Variants in SLC18A3 observed in about 807,000 individuals in gnomAD.
The protein encoded by SLC18A3 is solute carrier family 18 member A3.
SLC18A3 carries 18 observed loss-of-function variants against 24.2 expected under a neutral mutation model. The ratio of observed to expected loss-of-function variants is 0.74; its 90% confidence interval spans 0.51 to 1.10. SLC18A3 has a LOEUF of 1.10. Ranked by LOEUF, SLC18A3 falls within the 50% of genes least tolerant of loss-of-function variation. The pLI is 0.00. For missense variants in SLC18A3, 744 were observed against 750.7 expected, an observed-to-expected ratio of 0.99 and a Z score of 0.10; for synonymous variants, 415 against 355.4, an observed-to-expected ratio of 1.17 and a Z score of -1.89.
Position 49,612,208 on chromosome 10 carries a change from C to T in SLC18A3, c.1468C>T (p.Pro490Ser), listed in dbSNP as rs1441883375. 2 of 1,609,096 alleles carry T rather than the reference C, an allele frequency of 1.2e-6. No homozygotes were observed. Among genetic ancestry groups the T allele is most frequent in the East Asian group, 2.2e-5 (1 of 44,876 alleles). Residue 490 changes from proline (P) to serine (S), a missense_variant, in exon 1 of 1, where the codon CCG (proline) becomes TCG (serine). Physicochemically the swap from Pro to Ser is moderately conservative, Grantham distance 74. Around this residue, in one of 3 missense-constraint regions of SLC18A3, gnomAD observed 160 missense variants for 140.9 expected, o/e 1.14. Coordinates refer to ENST00000374115, the MANE Select transcript of SLC18A3 (RefSeq NM_003055.3). ...GCGCGATGTGCTGCTTGATGAGCCA[C>T]CGCAAGGTCTGTACGATGCGGTGCG... ...SERDVLLDEP[P>S]QGLYDAVRLR...
rs1338961287 is a variant in SLC18A3 at position 49,611,903 on chromosome 10, G to A, written c.1163G>A (p.Cys388Tyr). 6.2e-6 allele frequency: 10 copies of A among 1,611,604 alleles called. No homozygotes were observed. Among genetic ancestry groups the A allele is most frequent in the Non-Finnish European group, 7.6e-6 (9 of 1,179,896 alleles). Residue 388 changes from cysteine (C) to tyrosine (Y), a missense_variant, in exon 1 of 1, where the codon TGC becomes TAC. By Grantham distance (194) the Cys-to-Tyr change is radical. Around this residue, in one of 3 missense-constraint regions of SLC18A3, gnomAD observed 566 missense variants for 566.2 expected, o/e 1.00. Transcript: ENST00000374115. ...TTCGCGCCGCTAGTGGTCTCACTAT[G>A]CGGCCTCTGTTTTGGCATAGCCCTA... ...RSFAPLVVSL[C>Y]GLCFGIALVD...
Position 49,612,084 on chromosome 10 carries a change from T to A in SLC18A3, c.1344T>A (p.Phe448Leu), listed in dbSNP as rs1590545734. 4 of 1,613,598 alleles carry A rather than the reference T, an allele frequency of 2.5e-6. No individual in the cohort carries two copies. Among genetic ancestry groups the A allele is most frequent in the Non-Finnish European group, 3.4e-6 (4 of 1,179,910 alleles). ...GCCACATTGTGCACTCGCTGGGCTT[T>A]GAGCAGCTCAGCCTTGGCATGGGAC... is the stretch of plus-strand genomic sequence containing the variant. ...VAGHIVHSLGFEQLSLGMGLA... is the reference protein window; with the variant it reads ...VAGHIVHSLGLEQLSLGMGLA... The change falls in exon 1 of 1, where the codon TTT becomes TTA. Residue 448 changes from phenylalanine (F) to leucine (L), a missense_variant. Around this residue, in one of 3 missense-constraint regions of SLC18A3, gnomAD observed 160 missense variants for 140.9 expected, o/e 1.14. Coordinates refer to ENST00000374115, the MANE Select transcript of SLC18A3 (RefSeq NM_003055.3).
In SLC18A3 at chr10:49,611,021, C is replaced by A. The variant is rs763994314; in HGVS notation, c.281C>A (p.Thr94Lys). The change falls in exon 1 of 1, where the codon ACG becomes AAG. Residue 94 changes from threonine (T) to lysine (K), a missense_variant. Transcript: ENST00000374115. ...LPTPANASAY[T>K]ANTSASPTAA... ...ACTCCGGCCAATGCCAGCGCCTACA[C>A]GGCCAACACCTCGGCGTCCCCGACA... The A allele has an allele frequency of 9.3e-6, 15 of 1,613,868 alleles. No homozygotes were observed. The highest frequency in any genetic ancestry group is 1.1e-5 in the Non-Finnish European group (13 of 1,179,896).
Position 49,611,957 on chromosome 10 carries a change from C to T in SLC18A3, c.1217C>T (p.Ala406Val), listed in dbSNP as rs773286296. 6.2e-7 allele frequency: 1 copy of T among 1,612,950 alleles called. No individual in the cohort carries two copies. Among genetic ancestry groups the T allele is most frequent in the South Asian group, 1.1e-5 (1 of 91,072 alleles). ...LVDTALLPTLAFLVDVRHVSV... is the reference protein window; with the variant it reads ...LVDTALLPTLVFLVDVRHVSV... ...GACACAGCACTGCTGCCCACGCTCG[C>T]CTTCCTGGTGGACGTGCGCCATGTC... Residue 406 changes from alanine (A) to valine (V), a missense_variant, in exon 1 of 1, where the codon GCC becomes GTC. Ala to Val is a moderately conservative substitution (Grantham distance 64, BLOSUM62 0). This residue lies in a region of SLC18A3 where 18 missense variants were observed against 43.6 expected (regional missense o/e 0.41). Transcript: ENST00000374115.
Position 49,612,421 on chromosome 10 carries a change from A to G in SLC18A3, c.*82A>G, listed in dbSNP as rs555261553. On this transcript the variant is annotated 3_prime_UTR_variant, in exon 1 of 1. Transcript: ENST00000374115. ...CAAGCCCACTGGCCAGCTCTGGCTCAGGGCCCACCTCCTCCAGCGAGTACC... is the reference window on the plus strand; with the variant it reads ...CAAGCCCACTGGCCAGCTCTGGCTCGGGGCCCACCTCCTCCAGCGAGTACC... 49 of 1,373,380 alleles carry G rather than the reference A, an allele frequency of 3.6e-5. No individual in the cohort carries two copies. In the African/African-American group the frequency reaches 5.9e-4, roughly 17 times the overall value. 85.1% of individuals were successfully genotyped at this position (1,373,380 alleles called of 1,614,324 possible).
chr10:49,612,668 C>G lies in SLC18A3; in HGVS notation c.*329C>G. ...CATTGCTCCCAGTGCCAAACTTGGG[C>G]CGCTGCACCGCGGCGCCTCCGCCCA... On this transcript the variant is annotated 3_prime_UTR_variant, in exon 1 of 1. Transcript: ENST00000374115. 1 of 319,884 alleles carries G rather than the reference C, an allele frequency of 3.1e-6. No individual in the cohort carries two copies. Among genetic ancestry groups the G allele is most frequent in the Non-Finnish European group, 6.0e-6 (1 of 166,494 alleles). 19.8% of individuals were successfully genotyped at this position (319,884 alleles called of 1,614,324 possible).
rs979725532 is a variant in SLC18A3 at position 49,610,334 on chromosome 10, GC to G, written c.-406del. ...CAAGAGCCGACGCGAGGGGAGGGGA[GC>G]GCAGCGGCGGGGCTAACGGGCGGGC... On this transcript the variant is annotated 5_prime_UTR_variant, in exon 1 of 1. Transcript: ENST00000374115. 1.6e-5 allele frequency: 3 copies of G among 184,282 alleles called. No homozygotes were observed. The highest frequency in any genetic ancestry group is 7.1e-5 in the African/African-American group (3 of 42,402). The allele number at this position is 184,282 out of a possible 1,614,324, so 11.4% of individuals were successfully genotyped here. A position where few individuals can be genotyped will look rare whatever the true frequency, so the allele number is the denominator to read the frequency against.
Position 49,611,574 on chromosome 10 carries a change from G to A in SLC18A3, c.834G>A (p.Val278=), listed in dbSNP as rs1838298140. 6.2e-7 allele frequency: 1 copy of A among 1,607,824 alleles called. No individual in the cohort carries two copies. The highest frequency in any genetic ancestry group is 1.1e-5 in the South Asian group (1 of 91,082). Residue 278 remains valine, a synonymous_variant, in exon 1 of 1, where the codon GTG becomes GTA. Transcript: ENST00000374115. ...CACGGGCTCGGGCCAACCTGCCAGT[G>A]GGCACTCCCATCCACCGCCTCATGC... ...AAARARANLP[V]GTPIHRLMLD... is the part of the protein sequence containing the mutation.
Position 49,610,731 on chromosome 10 carries a change from G to C in SLC18A3, c.-10G>C. 1.3e-6 allele frequency: 2 copies of C among 1,504,370 alleles called. 1 individual carries two copies. Among genetic ancestry groups the C allele is most frequent in the Non-Finnish European group, 1.8e-6 (2 of 1,129,714 alleles). The allele number at this position is 1,504,370 out of a possible 1,614,324, so 93.2% of individuals were successfully genotyped here. ...CGGAGGCGTCCTCGGAAGAGCATCGGGGTGGGGGCATGGAATCCGCGGAAC... is the reference window on the plus strand; with the variant it reads ...CGGAGGCGTCCTCGGAAGAGCATCGCGGTGGGGGCATGGAATCCGCGGAAC... On this transcript the variant is annotated 5_prime_UTR_variant, in exon 1 of 1. Coordinates refer to ENST00000374115, the MANE Select transcript of SLC18A3 (RefSeq NM_003055.3).
rs2132688726 is a variant in SLC18A3 at position 49,612,079 on chromosome 10, G to A, written c.1339G>A (p.Gly447Ser). The change falls in exon 1 of 1, where the codon GGC becomes AGC. Residue 447 changes from glycine (G) to serine (S), a missense_variant. Coordinates refer to ENST00000374115, the MANE Select transcript of SLC18A3 (RefSeq NM_003055.3). Reference protein sequence around the residue: ...IVAGHIVHSLGFEQLSLGMGL... With the variant: ...IVAGHIVHSLSFEQLSLGMGL... Reference sequence around the variant, plus strand: ...GGCAGGCCACATTGTGCACTCGCTGGGCTTTGAGCAGCTCAGCCTTGGCAT... The same window carrying A: ...GGCAGGCCACATTGTGCACTCGCTGAGCTTTGAGCAGCTCAGCCTTGGCAT... 6.2e-7 allele frequency: 1 copy of A among 1,613,568 alleles called. No homozygotes were observed. The highest frequency in any genetic ancestry group is 1.1e-5 in the South Asian group (1 of 91,076).
At position 49,610,681 on chromosome 10, in the gene SLC18A3, GC is replaced by G; in HGVS notation, c.-59del. ...AGTCCCGTGCCCTCGCCTCTGCACT[GC>G]GGGACGCCAGCGCTCGGCCCTGGCG... On this transcript the variant is annotated 5_prime_UTR_variant, in exon 1 of 1. Transcript: ENST00000374115. The G allele has an allele frequency of 6.9e-7, 1 of 1,440,266 alleles. No individual in the cohort carries two copies. Among genetic ancestry groups the G allele is most frequent in the Non-Finnish European group, 9.1e-7 (1 of 1,101,410 alleles). The allele number at this position is 1,440,266 out of a possible 1,614,324, so 89.2% of individuals were successfully genotyped here. A position where few individuals can be genotyped will look rare whatever the true frequency, so the allele number is the denominator to read the frequency against.
rs2377879 is a variant in SLC18A3, at chr10:49,610,454, G to T, written c.-287G>T. 0.068 allele frequency: 24,632 copies of T among 364,716 alleles called. 1,869 individuals carry two copies. Among genetic ancestry groups the T allele is most frequent in the Admixed American group, 0.25 (5,376 of 21,414 alleles). 22.6% of individuals were successfully genotyped at this position (364,716 alleles called of 1,614,324 possible). ...TCTGGGCGCGCCCCGGGCGAAGTGC[G>T]CCCAGTCTCCGGCCCCGGCCCCTCG... On this transcript the variant is annotated 5_prime_UTR_variant, in exon 1 of 1. Transcript: ENST00000374115.
At position 49,611,971 on chromosome 10, in the gene SLC18A3, G is replaced by A. The variant is rs1417056757; in HGVS notation, c.1231G>A (p.Val411Met). 1 of 1,613,182 alleles carries A rather than the reference G, an allele frequency of 6.2e-7. No homozygotes were observed. Among genetic ancestry groups the A allele is most frequent in the African/African-American group, 1.3e-5 (1 of 75,068 alleles). Residue 411 changes from valine to methionine, a missense_variant, in exon 1 of 1, where the codon GTG becomes ATG. This residue lies in a region of SLC18A3 where 18 missense variants were observed against 43.6 expected (regional missense o/e 0.41). Coordinates refer to ENST00000374115, the MANE Select transcript of SLC18A3 (RefSeq NM_003055.3). ...LLPTLAFLVD[V>M]RHVSVYGSVY... ...GCCCACGCTCGCCTTCCTGGTGGAC[G>A]TGCGCCATGTCTCAGTCTATGGCAG...
At position 49,610,917 on chromosome 10, in the gene SLC18A3, C is replaced by G. The variant is rs1274088809; in HGVS notation, c.177C>G (p.Asp59Glu). The G allele has an allele frequency of 2.5e-6, 4 of 1,611,544 alleles. No individual in the cohort carries two copies. In the African/African-American group the frequency reaches 4.0e-5, roughly 16 times the overall value. ...LYMVIVPIVP[D>E]YIAHMRGGGE... ...TGGTCATCGTGCCCATAGTGCCCGA[C>G]TACATCGCCCACATGCGCGGGGGCG... The change falls in exon 1 of 1, where the codon GAC becomes GAG. Residue 59 changes from aspartate (D) to glutamate (E), a missense_variant. Asp to Glu is a conservative substitution (Grantham distance 45, BLOSUM62 2). Transcript: ENST00000374115.
chr10:49,612,326 A>T lies in SLC18A3; in HGVS notation c.1586A>T (p.Tyr529Phe), dbSNP rs1319543206. The T allele has an allele frequency of 6.3e-7, 1 of 1,589,126 alleles. No homozygotes were observed. The highest frequency in any genetic ancestry group is 8.6e-7 in the Non-Finnish European group (1 of 1,163,992). The change falls in exon 1 of 1, where the codon TAC (tyrosine) becomes TTC (phenylalanine). Residue 529 changes from tyrosine to phenylalanine, a missense_variant. Physicochemically the swap from Tyr to Phe is conservative, Grantham distance 22. This residue lies in a region of SLC18A3 where 160 missense variants were observed against 140.9 expected (regional missense o/e 1.14). Transcript: ENST00000374115. The part of the protein sequence containing the change: ...DACEDDYNYY[Y>F]TRS ...TGCGAGGACGACTACAACTACTACT[A>T]CACCCGCAGCTAGCATCCCCACTCC... is the stretch of plus-strand genomic sequence containing the variant.
rs1258597013 is a variant in SLC18A3, at chr10:49,611,558, G to A, written c.818G>A (p.Arg273Gln). 3 of 1,604,988 alleles carry A rather than the reference G, an allele frequency of 1.9e-6. No homozygotes were observed. Among genetic ancestry groups the A allele is most frequent in the African/African-American group, 1.3e-5 (1 of 74,930 alleles). The change falls in exon 1 of 1, where the codon CGG becomes CAG. Residue 273 changes from arginine (R) to glutamine (Q), a missense_variant. Arg to Gln is a conservative substitution (Grantham distance 43). Coordinates refer to ENST00000374115, the MANE Select transcript of SLC18A3 (RefSeq NM_003055.3). The part of the protein sequence containing the change: ...AKPFSAAARA[R>Q]ANLPVGTPIH... ...CCCTTCTCGGCGGCTGCACGGGCTC[G>A]GGCCAACCTGCCAGTGGGCACTCCC...
rs1293473460 is a variant in SLC18A3, at chr10:49,612,492, G to A, written c.*153G>A. 9.6e-6 allele frequency: 7 copies of A among 730,792 alleles called. No homozygotes were observed. The highest frequency in any genetic ancestry group is 1.6e-5 in the Non-Finnish European group (7 of 441,180). The allele number at this position is 730,792 out of a possible 1,614,324, so 45.3% of individuals were successfully genotyped here. ...ACTTCTGCCCAAATCCCCTCCCTGT[G>A]ACCCGTTCCATATCCCTTTCTCTCT... On this transcript the variant is annotated 3_prime_UTR_variant, in exon 1 of 1. Coordinates refer to ENST00000374115, the MANE Select transcript of SLC18A3 (RefSeq NM_003055.3).
rs141439763 is a variant in SLC18A3 at position 49,610,804 on chromosome 10, G to A, written c.64G>A (p.Gly22Ser). The A allele has an allele frequency of 1.9e-6, 3 of 1,593,942 alleles. No homozygotes were observed. In the African/African-American group the frequency reaches 4.0e-5, roughly 21 times the overall value. Residue 22 changes from glycine to serine, a missense_variant, in exon 1 of 1, where the codon GGC (glycine) becomes AGC (serine). By Grantham distance (56) the Gly-to-Ser change is moderately conservative (BLOSUM62 0). Transcript: ENST00000374115. ...AAATKLSEAV[G>S]AALQEPRRQR... ...GGCCACCAAGCTGTCGGAGGCTGTG[G>A]GCGCGGCGCTGCAGGAGCCCCGGCG...
chr10:49,611,170 C>A lies in SLC18A3; in HGVS notation c.430C>A (p.Pro144Thr). Residue 144 changes from proline to threonine, a missense_variant, in exon 1 of 1, where the codon CCC (proline) becomes ACC (threonine). Coordinates refer to ENST00000374115, the MANE Select transcript of SLC18A3 (RefSeq NM_003055.3). ...LQLLVNPLSG[P>T]FIDRMSYDVP... The stretch of plus-strand genomic sequence containing the variant: ...GCTGCTAGTGAACCCCTTGAGCGGG[C>A]CCTTCATCGACCGCATGAGCTACGA... 6.2e-7 allele frequency: 1 copy of A among 1,614,190 alleles called. No individual in the cohort carries two copies.
Sources: allele counts gnomAD v4.1 joint callset, GRCh38; gene constraint gnomAD v4.1.1; regional missense constraint gnomAD v4.1.1; transcripts MANE v1.5; gene names NCBI Gene and HGNC (gene_info 2026-07-23, HGNC 2026-07-21).